MACROD2: variants seen among roughly 807,000 people sequenced by gnomAD.
MACROD2 encodes mono-ADP ribosylhydrolase 2, also known as ADP-ribose glycohydrolase MACROD2.
In MACROD2, 36 loss-of-function variants were observed where a neutral mutation model predicts 70.4. The ratio of observed to expected loss-of-function variants is 0.51; its 90% CI spans 0.39 to 0.68. The LOEUF is 0.68. Ranked by LOEUF, MACROD2 falls within the 30% of genes least tolerant of loss-of-function variation. The pLI is 0.00. For missense variants in MACROD2, 496 were observed against 538.4 expected (o/e 0.92, Z 0.78); for synonymous variants, 172 against 178.8 (o/e 0.96, Z 0.30).
chr20:14,364,754 C>G (rs2083256512), intron 3 of MACROD2, among the ~76,000 whole-genome samples: 4 of 152,136 alleles, frequency 2.6e-5, no homozygotes, highest in Non-Finnish European at 5.9e-5. Flanking sequence ...ATAACGTTTT[C>G]AAAGTTCATT....
At position 15,472,498 on chromosome 20, in the gene MACROD2, A is replaced by G. The variant is rs530105195; in HGVS notation, c.572-27276A>G. 6.6e-5 allele frequency among the ~76,000 whole-genome samples: 10 copies of G among 152,270 alleles called. No individual in the cohort carries two copies. In the East Asian group the frequency reaches 1.9e-3, roughly 29 times the overall value. ...ATTTACTTTGTCTAATACTAAATCT[A>G]TCATCTTATTTTTCTTTCCCTTCCT... On this transcript the variant is annotated intron_variant, in intron 7 of 17. Coordinates refer to ENST00000684519, the MANE Select transcript of MACROD2 (RefSeq NM_001351661.2).
chr20:15,142,101 A>G (rs1376245876), intron 5 of MACROD2, among the ~76,000 whole-genome samples: 1 of 152,176 alleles, frequency 6.6e-6, no homozygotes, highest in East Asian at 1.9e-4. Context: ...GACTGTGTGC[A>G]TACCTGTAGT....
chr20:14,020,437 C>T (rs2053059316), intron 2 of MACROD2, among the ~76,000 whole-genome samples: 1 of 152,180 alleles, frequency 6.6e-6, no homozygotes, highest in African/African-American at 2.4e-5. Context: ...CGCACCCTTG[C>T]ACTCCAGCCT....
chr20:14,034,098 A>T (rs1051504975), intron 2 of MACROD2, among the ~76,000 whole-genome samples: 1 of 151,964 alleles, frequency 6.6e-6, no homozygotes, highest in Admixed American at 6.6e-5. Flanking sequence ...CAGCCTCCCG[A>T]CTAGTTGGGA....
At chr20:15,946,735 A>G (rs1305949517) in intron 12 of MACROD2, among the ~76,000 whole-genome samples, 1 of 152,326 alleles carries the variant, frequency 6.6e-6, no homozygotes, top group East Asian at 1.9e-4. Flanking sequence ...GAGAAAACAA[A>G]TAAGACACAG....
intron 4 of MACROD2, among the ~76,000 whole-genome samples, chr20:14,592,268 T>C (rs1217935187): frequency 1.3e-5 from 2 of 152,230 alleles, no homozygotes; most frequent in African/African-American, 4.8e-5. Context: ...AATATGACTA[T>C]GCCATCTGTA....
At chr20:14,856,653 G>T (rs1368536307) in intron 5 of MACROD2, among the ~76,000 whole-genome samples, 1 of 152,236 alleles carries the variant, frequency 6.6e-6, no homozygotes. Flanking sequence ...TAACCCAGGG[G>T]TGGTGTGAAA....
chr20:14,504,057 C>A (rs2084943972), intron 4 of MACROD2, among the ~76,000 whole-genome samples: 1 of 152,198 alleles, frequency 6.6e-6, no homozygotes, highest in Non-Finnish European at 1.5e-5. Context: ...AGTGCATTTT[C>A]TTAGGTAACT....
chr20:14,551,577 A>T (rs1978656552), intron 4 of MACROD2, among the ~76,000 whole-genome samples: 1 of 152,190 alleles, frequency 6.6e-6, no homozygotes, highest in South Asian at 2.1e-4. Flanking sequence ...ATTGAGGGTG[A>T]TCACTACTGC....
At chr20:16,047,766 A>G (rs2067403501) in intron 17 of MACROD2, among the ~76,000 whole-genome samples, 1 of 152,208 alleles carries the variant, frequency 6.6e-6, no homozygotes, top group Non-Finnish European at 1.5e-5. Flanking sequence ...GTTATAAGCC[A>G]CTAAATTTGG....
chr20:14,844,422 C>G (rs926277598), intron 5 of MACROD2, among the ~76,000 whole-genome samples: 1 of 151,792 alleles, frequency 6.6e-6, no homozygotes, highest in African/African-American at 2.4e-5. Context: ...GAGGCTGAGA[C>G]GGGAGAATCG....
chr20:14,882,260 A>C (rs1264251206), intron 5 of MACROD2, among the ~76,000 whole-genome samples: 1 of 152,188 alleles, frequency 6.6e-6, no homozygotes, highest in Non-Finnish European at 1.5e-5. Context: ...GACATGAATG[A>C]ATGATGCTTT....
chr20:14,140,331 T>A (rs2054853948), intron 3 of MACROD2, among the ~76,000 whole-genome samples: 1 of 152,216 alleles, frequency 6.6e-6, no homozygotes, highest in African/African-American at 2.4e-5. Flanking sequence ...TATAAAAACA[T>A]GTAAATGATA....
chr20:14,849,494 C>G (rs535091196), intron 5 of MACROD2, among the ~76,000 whole-genome samples: 59 of 152,156 alleles, frequency 3.9e-4, no homozygotes, highest in Non-Finnish European at 7.1e-4. Context: ...CTCAAGCCCT[C>G]TCTCAGCCAG....
intron 3 of MACROD2, among the ~76,000 whole-genome samples, chr20:14,184,833 T>C (rs958722989): frequency 1.3e-5 from 2 of 152,166 alleles, no homozygotes; most frequent in Admixed American, 1.3e-4. Flanking sequence ...AGCTTGACTG[T>C]TGTTGGTGTA....
chr20:14,572,637 T>A (rs1382838460), intron 4 of MACROD2, among the ~76,000 whole-genome samples: 6 of 152,110 alleles, frequency 3.9e-5, no homozygotes, highest in Non-Finnish European at 8.8e-5. Context: ...ATATTCTTTG[T>A]GATTCTGTTA....
chr20:14,696,278 GATATT>G (rs1481547530), intron 5 of MACROD2, among the ~76,000 whole-genome samples: 1 of 152,066 alleles, frequency 6.6e-6, no homozygotes, highest in Non-Finnish European at 1.5e-5. Flanking sequence ...CACACAACTG[GATATT>G]AATATCTACC....
At chr20:14,599,381 G>T (rs1439885937) in intron 4 of MACROD2, among the ~76,000 whole-genome samples, 1 of 152,142 alleles carries the variant, frequency 6.6e-6, no homozygotes, top group Non-Finnish European at 1.5e-5. Flanking sequence ...GTGCATGATT[G>T]GGACTTTGGA....
intron 5 of MACROD2, among the ~76,000 whole-genome samples, chr20:14,953,548 G>T (rs764960352): frequency 2.0e-5 from 3 of 152,018 alleles, no homozygotes; most frequent in Non-Finnish European, 4.4e-5. Flanking sequence ...CTCATGGTCC[G>T]CCCACCTCGG....
Sources: allele counts gnomAD v4.1 joint callset (sites outside exome capture counted in the v4.1 genomes callset), GRCh38; gene constraint gnomAD v4.1.1; transcripts MANE v1.5; gene names NCBI Gene and HGNC (gene_info 2026-07-23, HGNC 2026-07-21).